USP15: variants seen among roughly 807,000 people sequenced by gnomAD.
The protein encoded by USP15 is ubiquitin carboxyl-terminal hydrolase 15.
In USP15, 18 loss-of-function variants were observed where a neutral mutation model predicts 127.1. The ratio of observed to expected loss-of-function variants is 0.14; its 90% CI spans 0.10 to 0.21. The LOEUF is 0.21. Among genes scored for constraint, USP15 ranks in the 10% least tolerant of loss-of-function variants. The probability of loss-of-function intolerance (pLI) is 1.00; values close to 1 mark genes in which losing one functional copy is unlikely to be tolerated. For missense variants in USP15, 805 were observed against 1,159.9 expected (o/e 0.69, Z 4.44); for synonymous variants, 364 against 393.7 (o/e 0.92, Z 0.89).
intron 8 of USP15, among the ~76,000 whole-genome samples, chr12:62,364,488 AAGC>A (rs1391918064): frequency 6.6e-6 from 1 of 152,202 alleles, no homozygotes; most frequent in Non-Finnish European, 1.5e-5. Flanking sequence ...TATTAATAAA[AAGC>A]AACCAAACTT....
chr12:62,373,836 A>T (rs946936711), intron 8 of USP15, among the ~76,000 whole-genome samples: 3 of 151,988 alleles, frequency 2.0e-5, no homozygotes, highest in African/African-American at 7.2e-5. Context: ...CTTAGAAAAA[A>T]TATAACAAAA....
At chr12:62,315,020 A>G (rs1215310286) in intron 4 of USP15, 104 bp downstream of exon 4, 30 of 1,125,516 alleles carry the variant, frequency 2.7e-5, no homozygotes, top group Middle Eastern at 3.0e-4. Context: ...AAGGATTTAT[A>G]TATAGACATT....
At chr12:62,341,652 G>A (rs1406046979) in intron 6 of USP15, among the ~76,000 whole-genome samples, 1 of 152,126 alleles carries the variant, frequency 6.6e-6, no homozygotes, top group Non-Finnish European at 1.5e-5. Flanking sequence ...TTGTTTGCCT[G>A]GATATGAAAC....
At chr12:62,373,214 T>TA (rs1264354171) in intron 8 of USP15, among the ~76,000 whole-genome samples, 4 of 152,166 alleles carry the variant, frequency 2.6e-5, no homozygotes, top group South Asian at 4.1e-4. Flanking sequence ...CATCTGTAGT[T>TA]ACAGAATTTA....
chr12:62,369,066 A>G (rs1180905266), intron 8 of USP15, among the ~76,000 whole-genome samples: 4 of 152,204 alleles, frequency 2.6e-5, no homozygotes, highest in Non-Finnish European at 5.9e-5. Flanking sequence ...AAAAGACAGT[A>G]CTTGTCCTCT....
At chr12:62,382,805 G>A (rs1445217500) in intron 9 of USP15, among the ~76,000 whole-genome samples, 1 of 151,900 alleles carries the variant, frequency 6.6e-6, no homozygotes, top group Non-Finnish European at 1.5e-5. Flanking sequence ...GCCTAGAGTA[G>A]TTATCTTAAA....
At chr12:62,376,988 T>C (rs1169998512) in intron 8 of USP15, among the ~76,000 whole-genome samples, 2 of 152,188 alleles carry the variant, frequency 1.3e-5, no homozygotes, top group African/African-American at 4.8e-5. Flanking sequence ...TCGAGATAGA[T>C]ACTTCAGAAC....
intron 8 of USP15, among the ~76,000 whole-genome samples, chr12:62,359,565 T>A (rs1361103157): frequency 6.6e-6 from 1 of 152,166 alleles, no homozygotes; most frequent in Non-Finnish European, 1.5e-5. Context: ...GCAGAATGAC[T>A]CTGGAAAGAT....
At chr12:62,344,950 A>G (rs2065767599) in intron 6 of USP15, among the ~76,000 whole-genome samples, 1 of 151,958 alleles carries the variant, frequency 6.6e-6, no homozygotes, top group African/African-American at 2.4e-5. Flanking sequence ...AGCCCATAAA[A>G]CCATCTTTCC....
chr12:62,305,157 C>T (rs752416200), intron 3 of USP15, among the ~76,000 whole-genome samples: 7 of 151,902 alleles, frequency 4.6e-5, no homozygotes, highest in East Asian at 1.9e-4. Flanking sequence ...TACCAAAGGA[C>T]GTAATAGCTG....
Position 62,404,403 on chromosome 12 carries a change from C to G in USP15, c.*28C>G, listed in dbSNP as rs2067801679. On this transcript the variant is annotated 3_prime_UTR_variant, in exon 22 of 22. Coordinates refer to ENST00000280377, the MANE Select transcript of USP15 (RefSeq NM_001252078.2). ...AAAGTCCTAGAAGCCATAAAAGAGACACTTTCCTGCTGGTGGTATCTATGG... is the reference window on the plus strand; with the variant it reads ...AAAGTCCTAGAAGCCATAAAAGAGAGACTTTCCTGCTGGTGGTATCTATGG... The G allele has an allele frequency of 6.5e-7, 1 of 1,535,704 alleles. No homozygotes were observed. Among genetic ancestry groups the G allele is most frequent in the Non-Finnish European group, 8.8e-7 (1 of 1,138,586 alleles).
chr12:62,330,633 A>T (rs2137323231), intron 6 of USP15, among the ~76,000 whole-genome samples: 1 of 151,398 alleles, frequency 6.6e-6, no homozygotes. Flanking sequence ...TGAAAAGCAC[A>T]TTTTAGGCTG....
At chr12:62,311,160 C>A (rs1158602949) in intron 3 of USP15, among the ~76,000 whole-genome samples, 1 of 151,806 alleles carries the variant, frequency 6.6e-6, no homozygotes, top group Non-Finnish European at 1.5e-5. Context: ...TTCTACACTT[C>A]AACAGGTTGT....
intron 3 of USP15, among the ~76,000 whole-genome samples, chr12:62,307,040 G>A (rs2064506000): frequency 6.6e-6 from 1 of 152,114 alleles, no homozygotes; most frequent in Admixed American, 6.6e-5. Context: ...TCAGCATAAA[G>A]CCAAAGTAGA....
chr12:62,290,998 G>A (rs1791839430), intron 1 of USP15, among the ~76,000 whole-genome samples: 1 of 152,020 alleles, frequency 6.6e-6, no homozygotes, highest in Non-Finnish European at 1.5e-5. Flanking sequence ...TAGTCTGATG[G>A]AGTTTCCTTT....
intron 1 of USP15, 72 bp downstream of exon 1, chr12:62,260,575 G>A (rs1378663366): frequency 1.4e-6 from 2 of 1,435,732 alleles, no homozygotes; most frequent in South Asian, 2.6e-5. Context: ...CCGCGAGCTG[G>A]TTCTTTCGCT....
At chr12:62,329,906 A>G (rs1020321792) in intron 6 of USP15, among the ~76,000 whole-genome samples, 4 of 152,158 alleles carry the variant, frequency 2.6e-5, no homozygotes, top group Admixed American at 6.5e-5. Flanking sequence ...CTGACCCAGC[A>G]CTCAGAGGAA....
At position 62,337,053 on chromosome 12, in the gene USP15, A is replaced by G. The variant is rs142326184; in HGVS notation, c.683+11120A>G. ...AAATGTTGACACATTTTATTCTACA[A>G]TTTTTTTCAAATCACATTTTTTAAA... On this transcript the variant is annotated intron_variant, in intron 6 of 21. Coordinates refer to ENST00000280377, the MANE Select transcript of USP15 (RefSeq NM_001252078.2). 1.2e-4 allele frequency among the ~76,000 whole-genome samples: 18 copies of G among 152,242 alleles called. No homozygotes were observed. In the East Asian group the frequency reaches 3.1e-3, roughly 26 times the overall value.
At chr12:62,274,525 G>T (rs535402722) in intron 1 of USP15, among the ~76,000 whole-genome samples, 1 of 151,696 alleles carries the variant, frequency 6.6e-6, no homozygotes, top group Non-Finnish European at 1.5e-5. Context: ...GCTGTCTGTC[G>T]TCCCAGCTAC....
Sources: allele counts gnomAD v4.1 joint callset (sites outside exome capture counted in the v4.1 genomes callset), GRCh38; gene constraint gnomAD v4.1.1; transcripts MANE v1.5; gene names NCBI Gene and HGNC (gene_info 2026-07-23, HGNC 2026-07-21).